Variants in LHX3 observed in about 807,000 individuals in gnomAD.
LHX3 encodes LIM homeobox 3.
Under a neutral mutation model 32.4 loss-of-function variants are expected in LHX3, and 21 were observed. The observed-to-expected ratio is 0.65, with a 90% CI of 0.46 to 0.93. The LOEUF (loss-of-function observed/expected upper bound fraction) is 0.93, where lower values mean the gene tolerates loss of function less well. LHX3 is among the 40% of genes least tolerant of loss of function. The probability of loss-of-function intolerance (pLI) is 0.00; values close to 1 mark genes in which losing one functional copy is unlikely to be tolerated. For missense variants in LHX3, 626 were observed against 560.0 expected, an observed-to-expected ratio of 1.12 and a Z score of -1.19; for synonymous variants, 258 against 246.8, an observed-to-expected ratio of 1.05 and a Z score of -0.43.
Position 136,199,787 on chromosome 9 carries a change from G to A in LHX3, c.345C>T (p.Cys115=). ...RAQDFVYHLH[C]FACVVCKRQL... is the part of the protein sequence containing the mutation. Reference sequence around the variant, plus strand: ...GCCGCTTGCACACGACGCAGGCAAAGCAGTGCAGGTGGTACACGAAGTCCT... The same window carrying A: ...GCCGCTTGCACACGACGCAGGCAAAACAGTGCAGGTGGTACACGAAGTCCT... Residue 115 remains cysteine, a synonymous_variant, in exon 3 of 6, where the codon TGC becomes TGT. Transcript: ENST00000371748. 1.2e-6 allele frequency: 2 copies of A among 1,612,796 alleles called. No homozygotes were observed. Among genetic ancestry groups the A allele is most frequent in the African/African-American group, 1.3e-5 (1 of 75,072 alleles).
chr9:136,202,570 C>A lies in LHX3; in HGVS notation c.80-1817G>T, dbSNP rs774275666. On this transcript the variant is annotated intron_variant, in intron 1 of 5. Transcript: ENST00000371748. Reference sequence around the variant, plus strand: ...TGCATCTGACTCTGTTCCGCTGGAACGTGGAAAGAGTCCGGCTGGGGCGGC... The same window carrying A: ...TGCATCTGACTCTGTTCCGCTGGAAAGTGGAAAGAGTCCGGCTGGGGCGGC... Among the ~76,000 whole-genome samples, 103 of 152,350 alleles carry A rather than the reference C, an allele frequency of 6.8e-4. 1 individual carries two copies. Among genetic ancestry groups the A allele is most frequent in the Middle Eastern group, 3.4e-3 (1 of 294 alleles).
chr9:136,204,850 TG>T, intron 1 of LHX3, 83 bp downstream of exon 1: 1 of 1,152,822 alleles, frequency 8.7e-7, no homozygotes, highest in Non-Finnish European at 1.3e-6. Context: ...TTTCTTTGCC[TG>T]GCCGCTGGCC....
At chr9:136,201,138 CAT>C in intron 1 of LHX3, 6 of 1,391,840 alleles carry the variant, frequency 4.3e-6, no homozygotes, top group Admixed American at 3.2e-5. Flanking sequence ...CGGCAGGAAA[CAT>C]AGGGAAACGG....
chr9:136,203,059 C>G, intron 1 of LHX3: 1 of 1,516,326 alleles, frequency 6.6e-7, no homozygotes, highest in Non-Finnish European at 8.8e-7. Flanking sequence ...CGCCCGGCGT[C>G]GCCACTCTCC....
At chr9:136,203,082 T>A in intron 1 of LHX3, 1 of 1,464,600 alleles carries the variant, frequency 6.8e-7, no homozygotes, top group Non-Finnish European at 9.0e-7. Flanking sequence ...TCCCGAACTT[T>A]CCCGGGCCCA....
intron 1 of LHX3, among the ~76,000 whole-genome samples, chr9:136,204,590 CCA>C (rs1054876360): frequency 1.3e-5 from 2 of 152,146 alleles, no homozygotes; most frequent in African/African-American, 4.8e-5. Flanking sequence ...GCTGTGGGGT[CCA>C]GAGACCTGGG....
intron 2 of LHX3, 42 bp downstream of exon 2, chr9:136,200,540 G>A (rs1219670403): frequency 6.2e-6 from 10 of 1,600,170 alleles, no homozygotes; most frequent in South Asian, 2.2e-5. Flanking sequence ...TGGGGCAGGC[G>A]TGCCCTCCGC....
intron 1 of LHX3, chr9:136,202,802 A>T: frequency 1.1e-6 from 1 of 945,932 alleles, no homozygotes; most frequent in Non-Finnish European, 1.6e-6. Context: ...ATACAGGCTG[A>T]GGCGCCCAGG....
chr9:136,201,099 C>T, intron 1 of LHX3: 1 of 1,407,354 alleles, frequency 7.1e-7, no homozygotes, highest in Non-Finnish European at 9.3e-7. Context: ...ATGAAAACCC[C>T]ACCCCAGGGG....
intron 1 of LHX3, among the ~76,000 whole-genome samples, chr9:136,204,131 G>C (rs965963316): frequency 3.9e-5 from 6 of 152,230 alleles, no homozygotes; most frequent in Non-Finnish European, 7.3e-5. Context: ...GCAATACTCT[G>C]TCCACTCTGC....
At position 136,198,673 on chromosome 9, in the gene LHX3, C is replaced by T; in HGVS notation, c.754G>A (p.Asp252Asn). Residue 252 changes from aspartate to asparagine, a missense_variant, in exon 5 of 6, where the codon GAC becomes AAC. Asp to Asn is a conservative substitution (Grantham distance 23, BLOSUM62 1). Coordinates refer to ENST00000371748, the MANE Select transcript of LHX3 (RefSeq NM_178138.6). ...KDSVQEGQDSDAEVSFPDEPS... is the reference protein window; with the variant it reads ...KDSVQEGQDSNAEVSFPDEPS... ...CTACCGGGGAAGGAGACCTCAGCGTCGCTGTCCTGCCCCTCCTGAACGCTG... is the reference window on the plus strand; with the variant it reads ...CTACCGGGGAAGGAGACCTCAGCGTTGCTGTCCTGCCCCTCCTGAACGCTG... The T allele has an allele frequency of 1.9e-6, 3 of 1,606,336 alleles. No homozygotes were observed. Among genetic ancestry groups the T allele is most frequent in the Non-Finnish European group, 2.5e-6 (3 of 1,177,962 alleles).
At chr9:136,204,899 G>T in intron 1 of LHX3, 35 bp downstream of exon 1, 1 of 1,553,996 alleles carries the variant, frequency 6.4e-7, no homozygotes. Context: ...TGCCGCCCTT[G>T]CCGTTTCTGT....
intron 1 of LHX3, among the ~76,000 whole-genome samples, chr9:136,204,700 CT>C (rs1426498928): frequency 1.3e-5 from 2 of 152,190 alleles, no homozygotes; most frequent in African/African-American, 2.4e-5. Flanking sequence ...GCGATGCCCC[CT>C]TTTTTTCTAG....
At chr9:136,204,296 C>T (rs545132678) in intron 1 of LHX3, among the ~76,000 whole-genome samples, 109 of 152,360 alleles carry the variant, frequency 7.2e-4, no homozygotes, top group African/African-American at 2.5e-3. Flanking sequence ...CTTTGCACAG[C>T]ACTTGTTACC....
chr9:136,201,694 G>A (rs1479063034), intron 1 of LHX3: 16 of 987,418 alleles, frequency 1.6e-5, no homozygotes, highest in Non-Finnish European at 1.9e-5. Context: ...ACACCAGGAA[G>A]GGGCTCCCTC....
intron 3 of LHX3, 35 bp downstream of exon 3, chr9:136,199,643 C>T: frequency 1.2e-6 from 2 of 1,609,900 alleles, no homozygotes; most frequent in Non-Finnish European, 1.7e-6. Flanking sequence ...TTTTTTCAGA[C>T]CAGGAAAGGT....
At chr9:136,199,151 G>T (rs1831574839) in intron 3 of LHX3, 92 bp from the exon 4 acceptor site, 2 of 668,298 alleles carry the variant, frequency 3.0e-6, no homozygotes, top group Non-Finnish European at 4.1e-6. Context: ...GGGACGTCGG[G>T]GCCTCAGGTG....
chr9:136,202,230 G>A lies in LHX3; in HGVS notation c.80-1477C>T, dbSNP rs116060867. Among the ~76,000 whole-genome samples, 682 of 152,142 alleles carry A rather than the reference G, an allele frequency of 4.5e-3. 5 individuals are homozygous for A. The highest frequency in any genetic ancestry group is 0.016 in the African/African-American group (646 of 41,484). On this transcript the variant is annotated intron_variant, in intron 1 of 5. Coordinates refer to ENST00000371748, the MANE Select transcript of LHX3 (RefSeq NM_178138.6). ...AATAAATAAATAAGTAGGGAACCGC[G>A]AGCCCCCACAGCCTGGATGTAACCC...
At chr9:136,202,634 C>T (rs1032390196) in intron 1 of LHX3, among the ~76,000 whole-genome samples, 2 of 152,192 alleles carry the variant, frequency 1.3e-5, no homozygotes, top group Non-Finnish European at 2.9e-5. Flanking sequence ...CACTGCCCCG[C>T]CACTGCTCCC....
Sources: gnomAD v4.1 joint callset for allele counts (sites outside exome capture counted in the v4.1 genomes callset) on GRCh38, gnomAD v4.1.1 for gene constraint, MANE v1.5 for transcripts, NCBI Gene and HGNC (gene_info 2026-07-23, HGNC 2026-07-21) for gene names.